Variants in CASP10 observed in about 807,000 individuals in gnomAD.
CASP10 encodes the protein caspase-10.
A neutral mutation model predicts 48.5 loss-of-function variants in CASP10; 41 were observed. The observed-to-expected ratio is 0.85, with a 90% confidence interval of 0.66 to 1.10. The LOEUF (loss-of-function observed/expected upper bound fraction) is 1.10. Ranked by LOEUF, CASP10 falls within the 50% of genes least tolerant of loss-of-function variation. CASP10 has a pLI of 0.00. For synonymous variants in CASP10, 232 were observed against 238.4 expected (o/e 0.97, Z 0.25); for missense variants, 614 against 614.5 (o/e 1.00, Z 0.01).
chr2:201,209,007 C>A, intron 8 of CASP10, 63 bp from the exon 9 acceptor site: 1 of 1,560,428 alleles, frequency 6.4e-7, no homozygotes, highest in Non-Finnish European at 8.7e-7. Flanking sequence ...TGTTTTGCAT[C>A]ATTTTATTAT....
rs1944739038 is a variant in CASP10, at chr2:201,194,979, A to G, written c.578-863A>G. On this transcript the variant is annotated intron_variant, in intron 4 of 9. Coordinates refer to ENST00000286186, the MANE Select transcript of CASP10 (RefSeq NM_032977.4). ...TTTTTAGTAGAGATGGGATTTCACC[A>G]TGTTAGCCAGGATGGTCTCGATCAC... is the stretch of plus-strand genomic sequence containing the variant. 2.0e-5 allele frequency among the ~76,000 whole-genome samples: 3 copies of G among 152,084 alleles called. No homozygotes were observed. The South Asian group carries it at 6.2e-4, about 32-fold the overall frequency.
chr2:201,184,437 C>T (rs1042858256), intron 1 of CASP10, among the ~76,000 whole-genome samples: 7 of 152,000 alleles, frequency 4.6e-5, no homozygotes, highest in African/African-American at 1.7e-4. Context: ...GATCCTTCTG[C>T]TTCAGCCCTC....
At chr2:201,195,742 A>G in intron 4 of CASP10, 100 bp from the exon 5 acceptor site, 1 of 861,696 alleles carries the variant, frequency 1.2e-6, no homozygotes, top group Admixed American at 1.7e-5. Flanking sequence ...CAGTGGGGCA[A>G]TCTTGGCTCA....
At chr2:201,200,539 C>T (rs1457843085) in intron 5 of CASP10, 2 of 1,597,404 alleles carry the variant, frequency 1.3e-6, no homozygotes, top group Non-Finnish European at 8.5e-7. Flanking sequence ...AAACGCCCAC[C>T]TGAAGACTAT....
rs41381848 is a variant in CASP10 at position 201,183,732 on chromosome 2, T to C, written c.-8+424T>C. On this transcript the variant is annotated intron_variant, in intron 1 of 9. Transcript: ENST00000286186. Reference sequence around the variant, plus strand: ...ACCAAAAGTAATGTGTATGCTCACATATGCATAAAATTTGAGAAATTCAAT... The same window carrying C: ...ACCAAAAGTAATGTGTATGCTCACACATGCATAAAATTTGAGAAATTCAAT... Among the ~76,000 whole-genome samples, 763 of 152,334 alleles carry C rather than the reference T, an allele frequency of 5.0e-3. 8 individuals carry two copies. The highest frequency in any genetic ancestry group is 0.017 in the African/African-American group (717 of 41,580).
At chr2:201,212,294 G>C (rs1295941838) in intron 9 of CASP10, 3 of 152,190 alleles carry the variant, frequency 2.0e-5, no homozygotes, top group Non-Finnish European at 2.9e-5. Flanking sequence ...TAGTGATGTT[G>C]AGGGGTGGAA....
At chr2:201,224,038 C>T (rs1407450676), downstream of CASP10, among the ~76,000 whole-genome samples, 1 of 149,720 alleles carries the variant, frequency 6.7e-6, no homozygotes, top group Non-Finnish European at 1.5e-5. Flanking sequence ...GTGGCTCGAT[C>T]TTGGCTCACT....
downstream of CASP10, among the ~76,000 whole-genome samples, chr2:201,224,173 A>G (rs372796191): frequency 5.2e-3 from 791 of 152,008 alleles, 9 homozygotes; most frequent in African/African-American, 0.018. Flanking sequence ...GGGTTTCACC[A>G]TGTTAGCCAG....
intron 9 of CASP10, among the ~76,000 whole-genome samples, chr2:201,209,763 T>G (rs1269438235): frequency 1.3e-5 from 2 of 152,018 alleles, no homozygotes; most frequent in Non-Finnish European, 2.9e-5. Context: ...ATCCACCCAT[T>G]CATCTATCCA....
At chr2:201,199,496 T>C (rs1315303727) in intron 5 of CASP10, among the ~76,000 whole-genome samples, 2 of 149,342 alleles carry the variant, frequency 1.3e-5, no homozygotes, top group Non-Finnish European at 3.0e-5. Context: ...AAGAAAATAA[T>C]AAAAATTAAA....
Position 201,218,926 on chromosome 2 carries a change from T to G in CASP10, c.*1185T>G. The G allele has an allele frequency of 1.0e-6, 1 of 985,462 alleles. No individual in the cohort carries two copies. The highest frequency in any genetic ancestry group is 1.2e-6 in the Non-Finnish European group (1 of 829,954). 61.0% of individuals were successfully genotyped at this position (985,462 alleles called of 1,614,324 possible). On this transcript the variant is annotated 3_prime_UTR_variant, in exon 10 of 10. Coordinates refer to ENST00000286186, the MANE Select transcript of CASP10 (RefSeq NM_032977.4). ...GGTTTCCCTGTAGGAAGATGATGGC[T>G]CATTTACACTCAGCTGCTCTGCAAG...
intron 2 of CASP10, 42 bp from the exon 3 acceptor site, chr2:201,187,664 C>T: frequency 1.4e-6 from 2 of 1,407,846 alleles, no homozygotes; most frequent in Non-Finnish European, 2.0e-6. Context: ...GTGTCCTCCA[C>T]AAGTGTAAGG....
At chr2:201,210,606 G>A (rs1410606673) in intron 9 of CASP10, among the ~76,000 whole-genome samples, 1 of 152,190 alleles carries the variant, frequency 6.6e-6, no homozygotes, top group East Asian at 1.9e-4. Flanking sequence ...TTGGAACCTT[G>A]AGTCAACTTT....
At position 201,186,061 on chromosome 2, in the gene CASP10, T is replaced by A; in HGVS notation, c.284T>A (p.Leu95His). 1.9e-6 allele frequency: 3 copies of A among 1,612,604 alleles called. No individual in the cohort carries two copies. Among genetic ancestry groups the A allele is most frequent in the Non-Finnish European group, 2.5e-6 (3 of 1,179,988 alleles). The change falls in exon 2 of 10, where the codon CTC (leucine) becomes CAC (histidine). Residue 95 changes from leucine to histidine, a missense_variant. Leu to His is a moderately conservative substitution (Grantham distance 99). Coordinates refer to ENST00000286186, the MANE Select transcript of CASP10 (RefSeq NM_032977.4). ...IIRQKKLLQH[L>H]NCTKEEVERL... The stretch of plus-strand genomic sequence containing the variant: ...CGGCAGAAGAAGCTGCTGCAGCACC[T>A]CAACTGTACCAAAGAGGAAGTGGAG...
chr2:201,198,886 A>G (rs1944910720), intron 5 of CASP10, among the ~76,000 whole-genome samples: 2 of 152,090 alleles, frequency 1.3e-5, no homozygotes, highest in African/African-American at 2.4e-5. Flanking sequence ...TACTATTGTC[A>G]TGGTCTGATA....
intron 6 of CASP10, among the ~76,000 whole-genome samples, chr2:201,204,932 C>T (rs769554541): frequency 5.3e-5 from 8 of 152,218 alleles, no homozygotes; most frequent in Non-Finnish European, 1.0e-4. Context: ...TGGACTTGCT[C>T]AGCCTGAGGA....
chr2:201,184,992 T>C (rs1020588064), intron 1 of CASP10, among the ~76,000 whole-genome samples: 4 of 152,106 alleles, frequency 2.6e-5, no homozygotes, highest in African/African-American at 7.2e-5. Context: ...GATATTTTAT[T>C]TATTTATTTT....
intron 5 of CASP10, among the ~76,000 whole-genome samples, chr2:201,200,979 C>T (rs1348935788): frequency 1.3e-5 from 2 of 152,110 alleles, no homozygotes; most frequent in Non-Finnish European, 2.9e-5. Flanking sequence ...ACTCCCTGGC[C>T]ATGGGCACAG....
chr2:201,226,690 C>CAA (rs11354026), intron 9 of CASP10, among the ~76,000 whole-genome samples: 213 of 142,726 alleles, frequency 1.5e-3, no homozygotes, highest in Middle Eastern at 3.8e-3. Context: ...TGTAAAAGTA[C>CAA]AAAAAAAAAA....
Sources: gnomAD v4.1 joint callset for allele counts (sites outside exome capture counted in the v4.1 genomes callset) on GRCh38, gnomAD v4.1.1 for gene constraint, MANE v1.5 for transcripts, NCBI Gene and HGNC (gene_info 2026-07-23, HGNC 2026-07-21) for gene names.